Variants in DMD observed in about 807,000 individuals in gnomAD.
The protein encoded by DMD is dystrophin, also known as mutant dystrophin.
In DMD, 63 loss-of-function variants were observed where a neutral mutation model predicts 330.1. The ratio of observed to expected loss-of-function variants is 0.19; its 90% CI spans 0.16 to 0.24. The LOEUF is 0.24. DMD is among the 10% of genes least tolerant of loss of function. The pLI is 1.00. For missense variants in DMD, 3,344 were observed against 2,684.1 expected (o/e 1.25, Z -5.43); for synonymous variants, 1,223 against 959.8 (o/e 1.27, Z -5.07).
chrX:32,436,409 A>G (rs1390960342), intron 29 of DMD, among the ~76,000 whole-genome samples: 1 of 111,714 alleles, frequency 9.0e-6, no homozygotes, highest in Non-Finnish European at 1.9e-5. Flanking sequence ...TTTCTTATTC[A>G]AAAGTTTATG....
intron 60 of DMD, among the ~76,000 whole-genome samples, chrX:31,363,372 CTTTTTTTTTTTTT>C (rs752548187): frequency 1.5e-4 from 8 of 51,881 alleles, no homozygotes; most frequent in Non-Finnish European, 2.4e-4. Context: ...AGACATGTAT[CTTTTTTTTTTTTT>C]TTTTTTTTTT....
At chrX:31,887,513 T>C (rs964406880) in intron 47 of DMD, among the ~76,000 whole-genome samples, 5 of 112,136 alleles carry the variant, frequency 4.5e-5, no homozygotes, top group African/African-American at 1.6e-4. Context: ...ACTCTGCCAT[T>C]AAAATGTCTT....
At chrX:32,520,207 C>A (rs2046286136) in intron 17 of DMD, among the ~76,000 whole-genome samples, 1 of 111,477 alleles carries the variant, frequency 9.0e-6, no homozygotes. Context: ...CTATCAGGTT[C>A]CTGTTTCTTC....
chrX:31,841,117 G>A (rs2093311177), intron 48 of DMD, among the ~76,000 whole-genome samples: 1 of 111,870 alleles, frequency 8.9e-6, no homozygotes, highest in Non-Finnish European at 1.9e-5. Flanking sequence ...AAAAGTGCCA[G>A]TCTAGTGAAC....
At chrX:33,009,083 TG>T (rs2093489398) in intron 2 of DMD, among the ~76,000 whole-genome samples, 1 of 36,519 alleles carries the variant, frequency 2.7e-5, no homozygotes, top group Non-Finnish European at 6.9e-5. Context: ...TACATATATG[TG>T]TATATATACG....
At chrX:32,035,754 T>C (rs960657087) in intron 44 of DMD, among the ~76,000 whole-genome samples, 10 of 111,245 alleles carry the variant, frequency 9.0e-5, no homozygotes, top group Middle Eastern at 4.7e-3. Context: ...TTCAAGAGTA[T>C]GGATAAGCTC....
chrX:32,564,034 T>C (rs2051383306), intron 16 of DMD, among the ~76,000 whole-genome samples: 1 of 111,532 alleles, frequency 9.0e-6, no homozygotes, highest in South Asian at 3.7e-4. Context: ...CTCAAGTAGA[T>C]CCCAGTGTAT....
intron 7 of DMD, among the ~76,000 whole-genome samples, chrX:32,756,005 C>A (rs2071457585): frequency 1.8e-5 from 2 of 112,616 alleles, no homozygotes; most frequent in Admixed American, 1.9e-4. Flanking sequence ...GTTGCAGTAA[C>A]TACAGAAAGT....
chrX:32,852,996 C>G (rs1470172732), intron 2 of DMD, among the ~76,000 whole-genome samples: 1 of 111,745 alleles, frequency 8.9e-6, no homozygotes, highest in Non-Finnish European at 1.9e-5. Flanking sequence ...AGATACATTC[C>G]AAAAAGCTTA....
chrX:31,429,040 T>G (rs2063880026), intron 60 of DMD, among the ~76,000 whole-genome samples: 1 of 109,583 alleles, frequency 9.1e-6, no homozygotes, highest in Non-Finnish European at 1.9e-5. Flanking sequence ...GAGAATTACT[T>G]GAACCCAGCA....
chrX:31,721,700 C>A (rs866286754), intron 52 of DMD, among the ~76,000 whole-genome samples: 11,692 of 64,582 alleles, frequency 0.18, 844 homozygotes, highest in Admixed American at 0.38. Context: ...CTCTCTCTCT[C>A]TCTCTCTCTC....
chrX:31,292,593 A>T (rs1469397768), intron 62 of DMD, among the ~76,000 whole-genome samples: 1 of 111,903 alleles, frequency 8.9e-6, no homozygotes, highest in Non-Finnish European at 1.9e-5. Context: ...AACATAGGCA[A>T]TTTTACTGCA....
At chrX:31,724,818 C>T (rs764373666) in intron 52 of DMD, among the ~76,000 whole-genome samples, 2 of 111,767 alleles carry the variant, frequency 1.8e-5, no homozygotes, top group East Asian at 5.6e-4. Context: ...CTATTATTAG[C>T]CCCACATGAC....
At chrX:32,281,254 T>C (rs2097419806) in intron 43 of DMD, among the ~76,000 whole-genome samples, 1 of 111,929 alleles carries the variant, frequency 8.9e-6, no homozygotes, top group Non-Finnish European at 1.9e-5. Context: ...TGCCCACATA[T>C]TTATCTGACA....
intron 9 of DMD, among the ~76,000 whole-genome samples, chrX:32,649,106 G>A (rs767504636): frequency 8.2e-5 from 9 of 109,192 alleles, no homozygotes; most frequent in African/African-American, 2.7e-4. Flanking sequence ...TGGATGAAAC[G>A]ATTCTGTTTT....
At chrX:32,924,062 A>G (rs2088723509) in intron 2 of DMD, among the ~76,000 whole-genome samples, 1 of 111,737 alleles carries the variant, frequency 8.9e-6, no homozygotes, top group Admixed American at 9.6e-5. Flanking sequence ...CACGATAAAA[A>G]TCAGAAATTA....
chrX:32,121,580 G>A (rs899924826), intron 44 of DMD, among the ~76,000 whole-genome samples: 4 of 91,806 alleles, frequency 4.4e-5, no homozygotes, highest in African/African-American at 1.6e-4. Context: ...CGTTTCCTCC[G>A]AAAGCTTTCT....
chrX:33,122,521 T>C (rs1293248750), intron 1 of DMD, among the ~76,000 whole-genome samples: 2 of 112,329 alleles, frequency 1.8e-5, no homozygotes, highest in Non-Finnish European at 3.8e-5. Context: ...GTAATTTTTC[T>C]AGATTTCCTG....
chrX:33,339,201 T>C, intron 1 of DMD: 6 of 1,019,352 alleles, frequency 5.9e-6, no homozygotes, highest in Non-Finnish European at 7.8e-6. Context: ...AACATATGCT[T>C]TGTCATGGCC....
Sources: allele counts gnomAD v4.1 joint callset (sites outside exome capture counted in the v4.1 genomes callset), GRCh38; gene constraint gnomAD v4.1.1; transcripts MANE v1.5; gene names NCBI Gene and HGNC (gene_info 2026-07-23, HGNC 2026-07-21).